The following WDR49 variants were observed in gnomAD, a reference collection of about 807,000 sequenced individuals.
WDR49 encodes the protein WD repeat domain 49, also known as cilia- and flagella-associated protein 337.
WDR49 carries 107 observed loss-of-function variants against 119.5 expected under a neutral mutation model. The observed-to-expected ratio is 0.90, with a 90% CI of 0.77 to 1.05. The LOEUF (loss-of-function observed/expected upper bound fraction) is 1.05. Among genes scored for constraint, WDR49 ranks in the 50% least tolerant of loss-of-function variants. WDR49 has a pLI of 0.00. For synonymous variants in WDR49, 425 were observed against 418.8 expected, an observed-to-expected ratio of 1.01 and a Z score of -0.18; for missense variants, 1,240 against 1,220.5, an observed-to-expected ratio of 1.02 and a Z score of -0.24.
intron 7 of WDR49, among the ~76,000 whole-genome samples, chr3:167,583,922 T>C (rs1436012480): frequency 6.6e-6 from 1 of 152,054 alleles, no homozygotes; most frequent in Non-Finnish European, 1.5e-5. Flanking sequence ...TAATCAAGCA[T>C]AAAAGGAAAC....
At chr3:167,522,720 C>A (rs1356302120) in intron 15 of WDR49, among the ~76,000 whole-genome samples, 1 of 152,068 alleles carries the variant, frequency 6.6e-6, no homozygotes, top group Non-Finnish European at 1.5e-5. Flanking sequence ...AACAAAAATT[C>A]TCTGAAGAGA....
At chr3:167,614,264 GCTAATTTTATTGTTAGTA>G in intron 5 of WDR49, among the ~76,000 whole-genome samples, 1 of 152,086 alleles carries the variant, frequency 6.6e-6, no homozygotes, top group South Asian at 2.1e-4. Context: ...ACCACACCTG[GCTAATTTTATTGTTAGTA>G]GAGACATGGT....
intron 16 of WDR49, among the ~76,000 whole-genome samples, chr3:167,510,543 G>A (rs1751933121): frequency 6.6e-6 from 1 of 151,918 alleles, no homozygotes; most frequent in Non-Finnish European, 1.5e-5. Flanking sequence ...TTAGAATTAG[G>A]CCTTTCTATT....
At chr3:167,555,362 T>TC (rs1441835656) in intron 9 of WDR49, among the ~76,000 whole-genome samples, 1 of 152,210 alleles carries the variant, frequency 6.6e-6, no homozygotes, top group Non-Finnish European at 1.5e-5. Context: ...ATGCATCTCT[T>TC]CCATCTGTTC....
intron 9 of WDR49, among the ~76,000 whole-genome samples, chr3:167,556,831 C>T (rs1235865511): frequency 6.6e-6 from 1 of 152,096 alleles, no homozygotes; most frequent in African/African-American, 2.4e-5. Context: ...TTGAGACCAG[C>T]CTGGCCAATA....
chr3:167,631,215 A>G (rs151318987), intron 2 of WDR49, among the ~76,000 whole-genome samples: 1 of 152,194 alleles, frequency 6.6e-6, no homozygotes, highest in East Asian at 1.9e-4. Context: ...ATGTATACCT[A>G]CATATCAAAC....
intron 7 of WDR49, among the ~76,000 whole-genome samples, chr3:167,590,465 G>C (rs1715049020): frequency 6.6e-6 from 1 of 152,020 alleles, no homozygotes; most frequent in African/African-American, 2.4e-5. Context: ...GGAGTAGTTT[G>C]AGTAGGATTG....
intron 10 of WDR49, among the ~76,000 whole-genome samples, chr3:167,547,166 G>C (rs76530552): frequency 0.024 from 3,633 of 151,852 alleles, 127 homozygotes; most frequent in African/African-American, 0.084. Flanking sequence ...GAGTCATACA[G>C]AGTTATAGTT....
chr3:167,540,960 G>A (rs1711782352), intron 10 of WDR49, among the ~76,000 whole-genome samples: 2 of 151,866 alleles, frequency 1.3e-5, no homozygotes, highest in Non-Finnish European at 2.9e-5. Flanking sequence ...GAACTTCAGA[G>A]CTCAAAGACA....
chr3:167,514,853 A>C (rs1216441539), intron 16 of WDR49, among the ~76,000 whole-genome samples: 2 of 152,068 alleles, frequency 1.3e-5, no homozygotes, highest in East Asian at 3.9e-4. Flanking sequence ...TACTATAAAC[A>C]CCTCTGTGCA....
At chr3:167,643,495 C>G (rs988991875) in intron 2 of WDR49, among the ~76,000 whole-genome samples, 10 of 152,030 alleles carry the variant, frequency 6.6e-5, no homozygotes, top group African/African-American at 2.4e-4. Flanking sequence ...GATGTGTCAA[C>G]TAAAGCAAAT....
At chr3:167,487,402 A>G (rs1195480139) in intron 18 of WDR49, among the ~76,000 whole-genome samples, 3 of 152,030 alleles carry the variant, frequency 2.0e-5, no homozygotes, top group African/African-American at 4.8e-5. Context: ...AGATTTAAAT[A>G]TAAGACCCCA....
intron 2 of WDR49, among the ~76,000 whole-genome samples, chr3:167,634,394 C>G (rs1035929143): frequency 2.0e-5 from 3 of 151,790 alleles, no homozygotes; most frequent in African/African-American, 7.3e-5. Flanking sequence ...GTTGCAAGAG[C>G]CAGAAAGCTA....
rs1321101947 is a variant in WDR49, at chr3:167,653,590, T to C, written c.-74-91A>G. 6 of 759,236 alleles carry C rather than the reference T, an allele frequency of 7.9e-6. No homozygotes were observed. The South Asian group carries it at 1.1e-4, about 14-fold the overall frequency. 47.0% of individuals were successfully genotyped at this position (759,236 alleles called of 1,614,324 possible). A position where few individuals can be genotyped will look rare whatever the true frequency, so the allele number is the denominator to read the frequency against. On this transcript the variant is annotated intron_variant, in intron 1 of 18. Coordinates refer to ENST00000682715, the MANE Select transcript of WDR49 (RefSeq NM_001366157.1). Reference sequence around the variant, plus strand: ...CGATCAGGAGGCAAAATGTTCAAGCTGAGGTAGGAAATGAAAGCCCTCAAC... The same window carrying C: ...CGATCAGGAGGCAAAATGTTCAAGCCGAGGTAGGAAATGAAAGCCCTCAAC...
Position 167,621,500 on chromosome 3 carries a change from T to A in WDR49, c.750A>T (p.Glu250Asp). 6.5e-7 allele frequency: 1 copy of A among 1,534,744 alleles called. No homozygotes were observed. Among genetic ancestry groups the A allele is most frequent in the African/African-American group, 1.4e-5 (1 of 73,060 alleles). ...DYWYDPLDAN[E>D]SILSFGDITG... ...TTATATCCCCAAAAGAAAGAATTGA[T>A]TCATTGGCATCAAGAGGATCATACC... Residue 250 changes from glutamate to aspartate, a missense_variant, in exon 4 of 19, where the codon GAA (glutamate) becomes GAT (aspartate). Physicochemically the swap from Glu to Asp is conservative, Grantham distance 45 (BLOSUM62 2). Transcript: ENST00000682715.
rs368312234 is a variant in WDR49 at position 167,602,101 on chromosome 3, T to C, written c.1275+26A>G. 145 of 1,547,098 alleles carry C rather than the reference T, an allele frequency of 9.4e-5. 1 individual carries two copies. Among genetic ancestry groups the C allele is most frequent in the Non-Finnish European group, 7.2e-5 (82 of 1,133,814 alleles). On this transcript the variant is annotated intron_variant, in intron 7 of 18. Coordinates refer to ENST00000682715, the MANE Select transcript of WDR49 (RefSeq NM_001366157.1). ...TAGGAATCGGGGAAGCAAAACTAAA[T>C]TAATTAAAAGCACAATGTTACTTAC...
chr3:167,561,027 CA>C (rs1713238118), intron 8 of WDR49, among the ~76,000 whole-genome samples: 1 of 152,022 alleles, frequency 6.6e-6, no homozygotes, highest in Admixed American at 6.6e-5. Context: ...TACATAAATG[CA>C]TAGCTAGGAA....
chr3:167,516,890 T>C (rs1296492202), intron 16 of WDR49, among the ~76,000 whole-genome samples: 1 of 151,760 alleles, frequency 6.6e-6, no homozygotes, highest in Non-Finnish European at 1.5e-5. Context: ...AACAACCCCA[T>C]CAAAAAGTGG....
rs1577217994 is a variant in WDR49, at chr3:167,526,254, A to G, written c.2604+1566T>C. On this transcript the variant is annotated intron_variant, in intron 15 of 18. Coordinates refer to ENST00000682715, the MANE Select transcript of WDR49 (RefSeq NM_001366157.1). Reference sequence around the variant, plus strand: ...TAATACAAAAATAAGCAGTTTTACAAGCACACATTTCTGAATTAAAATAAA... The same window carrying G: ...TAATACAAAAATAAGCAGTTTTACAGGCACACATTTCTGAATTAAAATAAA... Among the ~76,000 whole-genome samples the G allele has an allele frequency of 1.3e-5, 2 of 152,186 alleles. 1 individual carries two copies. Among genetic ancestry groups the G allele is most frequent in the East Asian group, 3.8e-4 (2 of 5,196 alleles).
Sources: allele counts gnomAD v4.1 joint callset (sites outside exome capture counted in the v4.1 genomes callset), GRCh38; gene constraint gnomAD v4.1.1; transcripts MANE v1.5; gene names NCBI Gene and HGNC (gene_info 2026-07-23, HGNC 2026-07-21).